The following NDUFAF2 variants were observed in gnomAD, a reference collection of about 807,000 sequenced individuals.
NDUFAF2 encodes the protein NADH dehydrogenase [ubiquinone] 1 alpha subcomplex assembly factor 2.
In NDUFAF2, 13 loss-of-function variants were observed where a neutral mutation model predicts 22.8. The ratio of observed to expected loss-of-function variants is 0.57; its 90% CI spans 0.37 to 0.91. The LOEUF (loss-of-function observed/expected upper bound fraction) is 0.91. Ranked by LOEUF, NDUFAF2 falls within the 40% of genes least tolerant of loss-of-function variation. The pLI is 0.01. For missense variants in NDUFAF2, 162 were observed against 195.2 expected, an observed-to-expected ratio of 0.83 and a Z score of 1.01; for synonymous variants, 53 against 64.2, an observed-to-expected ratio of 0.83 and a Z score of 0.84.
At chr5:61,144,301 A>G (rs184571133) in intron 3 of NDUFAF2, among the ~76,000 whole-genome samples, 9 of 152,242 alleles carry the variant, frequency 5.9e-5, no homozygotes, top group South Asian at 2.1e-4. Flanking sequence ...AGGGATTGAA[A>G]TCTTGAATGA....
chr5:60,952,142 T>A (rs969886807), intron 1 of NDUFAF2, among the ~76,000 whole-genome samples: 11 of 152,004 alleles, frequency 7.2e-5, no homozygotes, highest in Admixed American at 2.0e-4. Flanking sequence ...ATTTTATTGA[T>A]CATTTTAGAG....
chr5:61,047,041 G>A (rs749136295), intron 1 of NDUFAF2, among the ~76,000 whole-genome samples: 2 of 152,128 alleles, frequency 1.3e-5, no homozygotes, highest in Non-Finnish European at 2.9e-5. Flanking sequence ...GGGCTAATAC[G>A]AATTTCAAGA....
intron 1 of NDUFAF2, among the ~76,000 whole-genome samples, chr5:61,011,523 G>T (rs1751442370): frequency 6.6e-6 from 1 of 152,110 alleles, no homozygotes; most frequent in Admixed American, 6.6e-5. Context: ...GGTGCAAATT[G>T]TAATATCTGT....
At chr5:61,009,449 G>T (rs1287646122) in intron 1 of NDUFAF2, among the ~76,000 whole-genome samples, 1 of 152,018 alleles carries the variant, frequency 6.6e-6, no homozygotes, top group Non-Finnish European at 1.5e-5. Context: ...TAATTCATTG[G>T]ACTGCCCAGA....
intron 2 of NDUFAF2, among the ~76,000 whole-genome samples, chr5:61,093,535 G>A (rs1752598546): frequency 6.6e-6 from 1 of 152,144 alleles, no homozygotes; most frequent in South Asian, 2.1e-4. Flanking sequence ...CTTGTCTTTA[G>A]TTCTGTTTAT....
At chr5:61,117,382 G>A (rs1371033892) in intron 3 of NDUFAF2, among the ~76,000 whole-genome samples, 3 of 152,108 alleles carry the variant, frequency 2.0e-5, no homozygotes, top group Non-Finnish European at 4.4e-5. Flanking sequence ...AAGAGACAGG[G>A]TCTTGCTCTG....
intron 2 of NDUFAF2, among the ~76,000 whole-genome samples, chr5:61,098,101 A>T (rs1279632309): frequency 1.3e-5 from 2 of 152,222 alleles, no homozygotes; most frequent in African/African-American, 4.8e-5. Context: ...AGTAATAATT[A>T]TACTAATAAC....
intron 3 of NDUFAF2, among the ~76,000 whole-genome samples, chr5:61,132,996 G>T (rs1254935886): frequency 6.6e-6 from 1 of 152,000 alleles, no homozygotes; most frequent in Non-Finnish European, 1.5e-5. Flanking sequence ...GGGGGTGGGG[G>T]CAATAGAGTC....
intron 1 of NDUFAF2, among the ~76,000 whole-genome samples, chr5:60,996,014 C>T (rs1020730555): frequency 1.4e-4 from 22 of 152,136 alleles, no homozygotes; most frequent in Admixed American, 5.2e-4. Flanking sequence ...TAAATGCTGC[C>T]TGGCCTAGGA....
At chr5:60,989,603 G>A (rs771762766) in intron 1 of NDUFAF2, among the ~76,000 whole-genome samples, 6 of 152,172 alleles carry the variant, frequency 3.9e-5, no homozygotes, top group Non-Finnish European at 8.8e-5. Context: ...CAGCAACATG[G>A]ATGGAACTGA....
At chr5:61,009,846 CTG>C (rs1751421725) in intron 1 of NDUFAF2, among the ~76,000 whole-genome samples, 1 of 152,024 alleles carries the variant, frequency 6.6e-6, no homozygotes, top group African/African-American at 2.4e-5. Flanking sequence ...CATGTTAAAA[CTG>C]AAACTAATTA....
At chr5:61,017,159 A>G (rs751979866) in intron 1 of NDUFAF2, among the ~76,000 whole-genome samples, 1 of 152,224 alleles carries the variant, frequency 6.6e-6, no homozygotes, top group East Asian at 1.9e-4. Flanking sequence ...TACAATAGGT[A>G]GTAAGTTCTA....
chr5:61,152,663 C>T (rs1741262098), intron 3 of NDUFAF2, 41 bp from the exon 4 acceptor site: 3 of 1,376,978 alleles, frequency 2.2e-6, no homozygotes, highest in Non-Finnish European at 2.9e-6. Flanking sequence ...CTTTTTTTAA[C>T]TAGAAATTTA....
chr5:60,989,815 GT>G (rs1241266658), intron 1 of NDUFAF2, among the ~76,000 whole-genome samples: 7 of 152,112 alleles, frequency 4.6e-5, no homozygotes, highest in Non-Finnish European at 1.0e-4. Flanking sequence ...TAATATCTGG[GT>G]GACAAAATAA....
In NDUFAF2 at chr5:60,998,754, C is replaced by A. The variant is rs551119766; in HGVS notation, c.127+53372C>A. ...GTAGGTGAAACCTTTCTCTGGCTTC[C>A]TTCTCAATGTATGACCTAACTGCAT... On this transcript the variant is annotated intron_variant, in intron 1 of 3. Coordinates refer to ENST00000296597, the MANE Select transcript of NDUFAF2 (RefSeq NM_174889.5). Among the ~76,000 whole-genome samples the A allele has an allele frequency of 1.3e-4, 20 of 151,968 alleles. No homozygotes were observed. In the South Asian group the frequency reaches 3.3e-3, roughly 25 times the overall value.
intron 2 of NDUFAF2, among the ~76,000 whole-genome samples, chr5:61,089,100 T>G (rs925402489): frequency 2.0e-5 from 3 of 152,164 alleles, no homozygotes; most frequent in African/African-American, 7.2e-5. Context: ...TCTTCTAGTC[T>G]CTTTAAGTGA....
chr5:61,137,898 A>T (rs998549187), intron 3 of NDUFAF2, among the ~76,000 whole-genome samples: 1 of 152,256 alleles, frequency 6.6e-6, no homozygotes, highest in African/African-American at 2.4e-5. Context: ...GAAGCTCTGG[A>T]GCAAGTATTG....
intron 1 of NDUFAF2, among the ~76,000 whole-genome samples, chr5:61,028,298 T>C (rs778859951): frequency 3.3e-5 from 5 of 152,056 alleles, no homozygotes; most frequent in Non-Finnish European, 1.5e-5. Flanking sequence ...TTTCGACTTA[T>C]CCCCTTCTCT....
At chr5:61,024,308 G>A (rs182417406) in intron 1 of NDUFAF2, among the ~76,000 whole-genome samples, 2 of 151,720 alleles carry the variant, frequency 1.3e-5, no homozygotes, top group Non-Finnish European at 2.9e-5. Context: ...TTTTTGTTTT[G>A]TGTGTATCTG....
Sources: gnomAD v4.1 joint callset for allele counts (sites outside exome capture counted in the v4.1 genomes callset) on GRCh38, gnomAD v4.1.1 for gene constraint, MANE v1.5 for transcripts, NCBI Gene and HGNC (gene_info 2026-07-23, HGNC 2026-07-21) for gene names.